The following PRRC1 variants were observed in gnomAD, a reference collection of about 807,000 sequenced individuals.
PRRC1 encodes proline rich coiled-coil 1.
A neutral mutation model predicts 40.7 loss-of-function variants in PRRC1; 39 were observed. The observed-to-expected ratio is 0.96, with a 90% CI of 0.74 to 1.25. PRRC1 has a LOEUF of 1.25. PRRC1 is among the 50% of genes most tolerant of loss of function. PRRC1 has a pLI of 0.00. For synonymous variants in PRRC1, 175 were observed against 193.3 expected, an observed-to-expected ratio of 0.91 and a Z score of 0.79; for missense variants, 573 against 548.3, an observed-to-expected ratio of 1.05 and a Z score of -0.45.
chr5:127,554,658 C>T lies in PRRC1; in HGVS notation c.*2742C>T, dbSNP rs987867032. 3.3e-5 allele frequency: 5 copies of T among 152,510 alleles called. No homozygotes were observed. Among genetic ancestry groups the T allele is most frequent in the African/African-American group, 1.2e-4 (5 of 41,428 alleles). The allele number at this position is 152,510 out of a possible 1,614,324, so 9.4% of individuals were successfully genotyped here. A position where few individuals can be genotyped will look rare whatever the true frequency, so the allele number is the denominator to read the frequency against. Reference sequence around the variant, plus strand: ...TTTCCTCGTAATGATTCTGTTATTACTTTCCTATTCTTTATTCCTCTTTCT... The same window carrying T: ...TTTCCTCGTAATGATTCTGTTATTATTTTCCTATTCTTTATTCCTCTTTCT... On this transcript the variant is annotated 3_prime_UTR_variant, in exon 9 of 9. Transcript: ENST00000296666.
At chr5:127,534,286 A>G (rs1282834646) in intron 6 of PRRC1, among the ~76,000 whole-genome samples, 5 of 152,182 alleles carry the variant, frequency 3.3e-5, no homozygotes, top group Admixed American at 2.0e-4. Flanking sequence ...AAAAAAAAGA[A>G]AAAACCAAAG....
Position 127,539,025 on chromosome 5 carries a change from G to C in PRRC1, c.922-15G>C. The stretch of plus-strand genomic sequence containing the variant: ...TAATTTGAAATGGTCTCTAACCTCT[G>C]CCATTGTTGTTTAGGGTGCTCAGGA... On this transcript the variant is annotated splice_polypyrimidine_tract_variant and intron_variant, in intron 6 of 8. Transcript: ENST00000296666. The C allele has an allele frequency of 6.3e-7, 1 of 1,599,680 alleles. No individual in the cohort carries two copies. Among genetic ancestry groups the C allele is most frequent in the Non-Finnish European group, 8.6e-7 (1 of 1,167,878 alleles).
chr5:127,527,052 G>A (rs940931454), intron 4 of PRRC1, among the ~76,000 whole-genome samples: 7 of 152,088 alleles, frequency 4.6e-5, no homozygotes, highest in African/African-American at 7.2e-5. Context: ...CTTCCTGGCC[G>A]TAAAATATTT....
At chr5:127,538,548 A>G (rs1217692784) in intron 6 of PRRC1, among the ~76,000 whole-genome samples, 1 of 152,052 alleles carries the variant, frequency 6.6e-6, no homozygotes, top group Non-Finnish European at 1.5e-5. Context: ...TTTTATTTTA[A>G]GTAACTGGTC....
intron 7 of PRRC1, among the ~76,000 whole-genome samples, chr5:127,541,121 T>C (rs1765312995): frequency 6.6e-6 from 1 of 152,238 alleles, no homozygotes; most frequent in Non-Finnish European, 1.5e-5. Flanking sequence ...TCTGCATCTA[T>C]TGAGATAATC....
intron 4 of PRRC1, among the ~76,000 whole-genome samples, chr5:127,529,398 G>A (rs1436755018): frequency 1.3e-5 from 2 of 151,818 alleles, no homozygotes; most frequent in Non-Finnish European, 2.9e-5. Context: ...TTTGTCCCTC[G>A]TTAAGAGCAT....
Position 127,552,440 on chromosome 5 carries a change from A to G in PRRC1, c.*524A>G, listed in dbSNP as rs919207793. 1.0e-6 allele frequency: 1 copy of G among 986,968 alleles called. No homozygotes were observed. Among genetic ancestry groups the G allele is most frequent in the African/African-American group, 1.7e-5 (1 of 57,206 alleles). 61.1% of individuals were successfully genotyped at this position (986,968 alleles called of 1,614,324 possible). On this transcript the variant is annotated 3_prime_UTR_variant, in exon 9 of 9. Coordinates refer to ENST00000296666, the MANE Select transcript of PRRC1 (RefSeq NM_130809.5). The stretch of plus-strand genomic sequence containing the variant: ...ACCTACTTGTCGGGAGATGTTCCAC[A>G]TTTCTGTGCATGTTTTCAGTAATAT...
Position 127,538,125 on chromosome 5 carries a change from C to G in PRRC1, c.922-915C>G, listed in dbSNP as rs1767944685. On this transcript the variant is annotated intron_variant, in intron 6 of 8. Coordinates refer to ENST00000296666, the MANE Select transcript of PRRC1 (RefSeq NM_130809.5). ...TTAAATCCTATCATCTTCATCTTTA[C>G]AAGCTAGTATCTTAAATTGTCTTAC... is the stretch of plus-strand genomic sequence containing the variant. Among the ~76,000 whole-genome samples the G allele has an allele frequency of 2.6e-5, 4 of 152,110 alleles. No homozygotes were observed. The South Asian group carries it at 8.3e-4, about 31-fold the overall frequency.
Position 127,553,749 on chromosome 5 carries a change from G to T in PRRC1, c.*1833G>T. 1 of 1,516,582 alleles carries T rather than the reference G, an allele frequency of 6.6e-7. No individual in the cohort carries two copies. Among genetic ancestry groups the T allele is most frequent in the Non-Finnish European group, 8.8e-7 (1 of 1,140,732 alleles). 93.9% of individuals were successfully genotyped at this position (1,516,582 alleles called of 1,614,324 possible). On this transcript the variant is annotated 3_prime_UTR_variant, in exon 9 of 9. Coordinates refer to ENST00000296666, the MANE Select transcript of PRRC1 (RefSeq NM_130809.5). ...ACCAAGTCACAAATGTCTTTTTGAT[G>T]TTTTGAGAATTGTTCTCATAGAATC...
intron 7 of PRRC1, among the ~76,000 whole-genome samples, chr5:127,544,112 G>A (rs1768138589): frequency 6.6e-6 from 1 of 152,182 alleles, no homozygotes; most frequent in South Asian, 2.1e-4. Context: ...TCATCTGCAG[G>A]TCTGTTGGAG....
intron 4 of PRRC1, among the ~76,000 whole-genome samples, chr5:127,528,355 C>T (rs530388114): frequency 6.6e-6 from 1 of 152,108 alleles, no homozygotes; most frequent in Non-Finnish European, 1.5e-5. Context: ...GCTCTTGTCG[C>T]CCAGGCTGGA....
In PRRC1 at chr5:127,539,071, G is replaced by C. The variant is rs138177009; in HGVS notation, c.953G>C (p.Arg318Pro). The change falls in exon 7 of 9, where the codon CGA becomes CCA. Residue 318 changes from arginine (R) to proline (P), a missense_variant. By Grantham distance (103) the Arg-to-Pro change is moderately radical. Transcript: ENST00000296666. The part of the protein sequence containing the change: ...GAQERIDSLR[R>P]TGVIHEKQTA... ...CAGGAACGGATAGATAGCTTGCGTC[G>C]AACTGGGGTGATCCATGAAAAACAG... 1.2e-6 allele frequency: 2 copies of C among 1,612,844 alleles called. No homozygotes were observed. Among genetic ancestry groups the C allele is most frequent in the Non-Finnish European group, 1.7e-6 (2 of 1,178,998 alleles).
chr5:127,523,664 G>C, intron 2 of PRRC1, 82 bp downstream of exon 2: 1 of 714,650 alleles, frequency 1.4e-6, no homozygotes, highest in Non-Finnish European at 2.2e-6. Flanking sequence ...ATTAAGAAAA[G>C]AATGCATATA....
Position 127,552,411 on chromosome 5 carries a change from A to T in PRRC1, c.*495A>T, listed in dbSNP as rs1322779545. The T allele has an allele frequency of 5.4e-6, 5 of 932,230 alleles. 1 individual carries two copies. The African/African-American group carries it at 7.1e-5, about 13-fold the overall frequency. 57.7% of individuals were successfully genotyped at this position (932,230 alleles called of 1,614,324 possible). A position where few individuals can be genotyped will look rare whatever the true frequency, so the allele number is the denominator to read the frequency against. On this transcript the variant is annotated 3_prime_UTR_variant, in exon 9 of 9. Transcript: ENST00000296666. ...AGCAGCCTGCTCAACAGTCACTATA[A>T]GACACCTACTTGTCGGGAGATGTTC...
chr5:127,544,382 G>C (rs947383561), intron 7 of PRRC1, among the ~76,000 whole-genome samples: 42 of 152,314 alleles, frequency 2.8e-4, no homozygotes, highest in African/African-American at 9.6e-4. Context: ...CCAGCTGCGT[G>C]CTGGGAGAAC....
intron 5 of PRRC1, among the ~76,000 whole-genome samples, chr5:127,532,585 T>G (rs1767804404): frequency 6.6e-6 from 1 of 152,140 alleles, no homozygotes; most frequent in South Asian, 2.1e-4. Flanking sequence ...GTGTCCCATG[T>G]GGAGGAAAAA....
Position 127,533,432 on chromosome 5 carries a change from C to T in PRRC1, c.758-191C>T, listed in dbSNP as rs114381846. On this transcript the variant is annotated intron_variant, in intron 5 of 8. Transcript: ENST00000296666. ...TCCTGACATTAGTGCTAAGTAGATACGTTACCTTGGGCAAAACTTTGTTGG... is the reference window on the plus strand; with the variant it reads ...TCCTGACATTAGTGCTAAGTAGATATGTTACCTTGGGCAAAACTTTGTTGG... Among the ~76,000 whole-genome samples, 738 of 152,110 alleles carry T rather than the reference C, an allele frequency of 4.9e-3. 8 individuals are homozygous for T. The highest frequency in any genetic ancestry group is 6.8e-3 in the Middle Eastern group (2 of 294).
chr5:127,549,219 A>G (rs778431308), intron 8 of PRRC1: 1 of 152,126 alleles, frequency 6.6e-6, no homozygotes, highest in Admixed American at 6.5e-5. Flanking sequence ...ATGTTCAGAG[A>G]TGATTTGCTG....
In PRRC1 at chr5:127,524,579, T is replaced by G. The variant is rs146445557; in HGVS notation, c.152T>G (p.Phe51Cys). Residue 51 changes from phenylalanine (F) to cysteine (C), a missense_variant, in exon 3 of 9, where the codon TTC (phenylalanine) becomes TGC (cysteine). By Grantham distance (205) the Phe-to-Cys change is radical. Transcript: ENST00000296666. ...SSPNVSSMESFPPLAYSTPQP... is the reference protein window; with the variant it reads ...SSPNVSSMESCPPLAYSTPQP... The stretch of plus-strand genomic sequence containing the variant: ...CCAAATGTATCCTCCATGGAGTCCT[T>G]CCCACCACTCGCATACTCTACTCCT... 135 of 1,613,896 alleles carry G rather than the reference T, an allele frequency of 8.4e-5. No individual in the cohort carries two copies. Among genetic ancestry groups the G allele is most frequent in the Non-Finnish European group, 1.1e-4 (127 of 1,179,986 alleles).
Sources: allele counts gnomAD v4.1 joint callset (sites outside exome capture counted in the v4.1 genomes callset), GRCh38; gene constraint gnomAD v4.1.1; transcripts MANE v1.5; gene names NCBI Gene and HGNC (gene_info 2026-07-23, HGNC 2026-07-21).